Variants in GNAQ observed in about 807,000 individuals in gnomAD.
GNAQ encodes guanine nucleotide-binding protein G(q) subunit alpha.
Under a neutral mutation model 43.9 loss-of-function variants are expected in GNAQ, and 8 were observed. The ratio of observed to expected loss-of-function variants is 0.18; its 90% CI spans 0.11 to 0.33. GNAQ has a LOEUF of 0.33. GNAQ is among the 10% of genes least tolerant of loss of function. The pLI is 1.00. For missense variants in GNAQ, 158 were observed against 450.8 expected (o/e 0.35, Z 5.88); for synonymous variants, 155 against 170.7 (o/e 0.91, Z 0.71).
rs1056368497 is a variant in GNAQ, at chr9:77,831,957, A to G, written c.322-16187T>C. 2.6e-5 allele frequency among the ~76,000 whole-genome samples: 4 copies of G among 152,184 alleles called. No homozygotes were observed. In the East Asian group the frequency reaches 7.7e-4, roughly 29 times the overall value. ...CCTCGCCAGCTCCTTCTCATAATGCATTAACCAGCAGAAGAATCCTCCACT... is the reference window on the plus strand; with the variant it reads ...CCTCGCCAGCTCCTTCTCATAATGCGTTAACCAGCAGAAGAATCCTCCACT... On this transcript the variant is annotated intron_variant, in intron 2 of 6. Coordinates refer to ENST00000286548, the MANE Select transcript of GNAQ (RefSeq NM_002072.5).
intron 5 of GNAQ, among the ~76,000 whole-genome samples, chr9:77,745,400 A>AG (rs1043122420): frequency 8.5e-5 from 13 of 152,322 alleles, no homozygotes; most frequent in Admixed American, 1.3e-4. Context: ...CGCAGTGAGT[A>AG]GGGAAGGGGA....
intron 6 of GNAQ, among the ~76,000 whole-genome samples, chr9:77,726,927 C>A (rs536161403): frequency 2.6e-5 from 4 of 152,270 alleles, no homozygotes; most frequent in South Asian, 2.1e-4. Context: ...GCAAACAATT[C>A]TATCTCTGTC....
chr9:77,752,228 T>C (rs1825823842), intron 5 of GNAQ, among the ~76,000 whole-genome samples: 1 of 152,144 alleles, frequency 6.6e-6, no homozygotes, highest in Non-Finnish European at 1.5e-5. Flanking sequence ...CTGCAGTTAA[T>C]GTACCTCGGT....
Position 77,890,637 on chromosome 9 carries a change from C to T in GNAQ, c.321+31524G>A, listed in dbSNP as rs200406362. On this transcript the variant is annotated intron_variant, in intron 2 of 6. Coordinates refer to ENST00000286548, the MANE Select transcript of GNAQ (RefSeq NM_002072.5). ...ACTTGGGAGGCTGAGGCAGGAGAAT[C>T]GCTTGAACCCAGGAGGCGGAGGTTG... Among the ~76,000 whole-genome samples, 51 of 152,196 alleles carry T rather than the reference C, an allele frequency of 3.4e-4. 1 individual carries two copies. In the Middle Eastern group the frequency reaches 0.01, roughly 31 times the overall value.
intron 2 of GNAQ, among the ~76,000 whole-genome samples, chr9:77,848,930 C>T (rs1376595344): frequency 1.3e-5 from 2 of 152,076 alleles, no homozygotes; most frequent in Non-Finnish European, 2.9e-5. Flanking sequence ...GAGAAGACAC[C>T]GTTCTAGACA....
intron 1 of GNAQ, among the ~76,000 whole-genome samples, chr9:77,964,331 T>C (rs1416303010): frequency 1.3e-5 from 2 of 152,112 alleles, no homozygotes; most frequent in Non-Finnish European, 2.9e-5. Flanking sequence ...ACTCAGAGAT[T>C]TTAATACCCC....
At chr9:77,849,136 G>A (rs1354612398) in intron 2 of GNAQ, among the ~76,000 whole-genome samples, 1 of 152,038 alleles carries the variant, frequency 6.6e-6, no homozygotes, top group African/African-American at 2.4e-5. Flanking sequence ...ATGAGTCACA[G>A]GACAGCACCC....
intron 5 of GNAQ, among the ~76,000 whole-genome samples, chr9:77,792,902 G>A (rs2118437574): frequency 6.6e-6 from 1 of 152,090 alleles, no homozygotes; most frequent in East Asian, 1.9e-4. Context: ...GGCTTATTCT[G>A]ACCAAAAGCA....
chr9:78,030,988 G>T, intron 1 of GNAQ, 112 bp downstream of exon 1: 2 of 744,970 alleles, frequency 2.7e-6, no homozygotes, highest in South Asian at 4.4e-5. Context: ...CGGGAGGGTA[G>T]GGGCGAACCG....
At chr9:78,030,579 T>A in intron 1 of GNAQ, 1 of 469,266 alleles carries the variant, frequency 2.1e-6, no homozygotes, top group Non-Finnish European at 4.4e-6. Context: ...CCTGACCCCA[T>A]AGGGCACTGA....
intron 2 of GNAQ, among the ~76,000 whole-genome samples, chr9:77,907,181 A>G (rs1564147709): frequency 6.6e-6 from 1 of 152,158 alleles, no homozygotes; most frequent in African/African-American, 2.4e-5. Context: ...AAGCTTTCCA[A>G]TCACTTTCTT....
intron 2 of GNAQ, among the ~76,000 whole-genome samples, chr9:77,817,192 C>T (rs754970108): frequency 2.0e-5 from 3 of 152,184 alleles, no homozygotes; most frequent in East Asian, 1.9e-4. Context: ...CTCTGAGACT[C>T]GCCCTTTGAA....
intron 1 of GNAQ, among the ~76,000 whole-genome samples, chr9:77,937,199 T>C (rs912944260): frequency 3.3e-5 from 5 of 152,172 alleles, no homozygotes. Context: ...TCCCAGCACT[T>C]TGGGAGGCCA....
chr9:77,934,028 A>G lies in GNAQ; in HGVS notation c.137-11683T>C, dbSNP rs139311990. ...CAAAAGAGAACAACAAATTACATTTATAACAGAGGAAAAGGCCTAAGATGG... is the reference window on the plus strand; with the variant it reads ...CAAAAGAGAACAACAAATTACATTTGTAACAGAGGAAAAGGCCTAAGATGG... On this transcript the variant is annotated intron_variant, in intron 1 of 6. Coordinates refer to ENST00000286548, the MANE Select transcript of GNAQ (RefSeq NM_002072.5). Among the ~76,000 whole-genome samples, 20 of 152,338 alleles carry G rather than the reference A, an allele frequency of 1.3e-4. No homozygotes were observed. The East Asian group carries it at 3.1e-3, about 24-fold the overall frequency.
At chr9:77,775,537 G>A (rs1186326733) in intron 5 of GNAQ, among the ~76,000 whole-genome samples, 1 of 151,656 alleles carries the variant, frequency 6.6e-6, no homozygotes, top group Non-Finnish European at 1.5e-5. Flanking sequence ...AGCCTCCCGA[G>A]TAGCTGGGAC....
chr9:77,933,620 GAC>G (rs1468125724), intron 1 of GNAQ, among the ~76,000 whole-genome samples: 1 of 143,966 alleles, frequency 6.9e-6, no homozygotes, highest in African/African-American at 2.5e-5. Flanking sequence ...ACTCCTGGGT[GAC>G]AGAGTACGAC....
At chr9:77,854,882 G>C (rs189869354) in intron 2 of GNAQ, among the ~76,000 whole-genome samples, 1 of 152,144 alleles carries the variant, frequency 6.6e-6, no homozygotes. Flanking sequence ...TCAGGGTTTC[G>C]TGTGGAATGG....
chr9:77,806,485 T>C (rs1184123424), intron 3 of GNAQ, among the ~76,000 whole-genome samples: 2 of 152,172 alleles, frequency 1.3e-5, no homozygotes, highest in African/African-American at 2.4e-5. Context: ...AGGCTACCTG[T>C]GAAGCAAAGA....
chr9:77,801,436 C>G (rs1426829805), intron 3 of GNAQ, among the ~76,000 whole-genome samples: 1 of 152,212 alleles, frequency 6.6e-6, no homozygotes, highest in East Asian at 1.9e-4. Context: ...CACCTGATGC[C>G]TGCCAGGCTC....
Sources: gnomAD v4.1 joint callset for allele counts (sites outside exome capture counted in the v4.1 genomes callset) on GRCh38, gnomAD v4.1.1 for gene constraint, MANE v1.5 for transcripts, NCBI Gene and HGNC (gene_info 2026-07-23, HGNC 2026-07-21) for gene names.